MRC2: variants seen among roughly 807,000 people sequenced by gnomAD.
The protein encoded by MRC2 is mannose receptor C-type 2, also known as C-type mannose receptor 2.
MRC2 carries 84 observed loss-of-function variants against 206.2 expected under a neutral mutation model. The ratio of observed to expected loss-of-function variants is 0.41; its 90% CI spans 0.34 to 0.49. The LOEUF (loss-of-function observed/expected upper bound fraction) is 0.49, where lower values mean the gene tolerates loss of function less well. MRC2 is among the 20% of genes least tolerant of loss of function. The probability of loss-of-function intolerance (pLI) is 0.31; values close to 1 mark genes in which losing one functional copy is unlikely to be tolerated. For synonymous variants in MRC2, 798 were observed against 800.0 expected (o/e 1.00, Z 0.04); for missense variants, 1,676 against 2,001.5 (o/e 0.84, Z 3.10).
intron 12 of MRC2, 134 bp downstream of exon 12, chr17:62,677,620 C>A: frequency 1.3e-6 from 1 of 754,508 alleles, no homozygotes; most frequent in East Asian, 2.7e-5. Context: ...TCTGGTGAGA[C>A]TTGTCCATGG....
intron 1 of MRC2, among the ~76,000 whole-genome samples, chr17:62,640,017 C>CTTTTTT (rs56703312): frequency 7.7e-4 from 57 of 74,350 alleles, no homozygotes; most frequent in African/African-American, 8.3e-4. Context: ...CCATGCCCAG[C>CTTTTTT]TTTTTTTTTT....
At chr17:62,688,713 G>A in intron 22 of MRC2, 49 bp downstream of exon 22, 3 of 1,601,162 alleles carry the variant, frequency 1.9e-6, no homozygotes, top group Middle Eastern at 2.0e-4. Flanking sequence ...CCCTAAGCCT[G>A]TGGGGCTGCC....
In MRC2 at chr17:62,692,019, C is replaced by T; in HGVS notation, c.4193-93C>T. 6.4e-7 allele frequency: 1 copy of T among 1,563,354 alleles called. No homozygotes were observed. The highest frequency in any genetic ancestry group is 8.8e-7 in the Non-Finnish European group (1 of 1,138,898). ...CTAGAGCCTCTTTCTCCCCAGACCT[C>T]CCGGCCCAGGCCTGTGTGCTTTGTA... On this transcript the variant is annotated intron_variant, in intron 28 of 29. Coordinates refer to ENST00000303375, the MANE Select transcript of MRC2 (RefSeq NM_006039.5). This position sits in a 1 kb window ranked among gnomAD's most constrained non-coding sequence, Gnocchi z 4.2.
At chr17:62,688,786 C>G in intron 22 of MRC2, 66 bp from the exon 23 acceptor site, 1 of 1,582,728 alleles carries the variant, frequency 6.3e-7, no homozygotes, top group Non-Finnish European at 8.6e-7. Context: ...CACATTGCAG[C>G]CTTCTGGGGA....
At chr17:62,640,058 CG>C (rs1555675267) in intron 1 of MRC2, among the ~76,000 whole-genome samples, 31 of 127,948 alleles carry the variant, frequency 2.4e-4, no homozygotes, top group East Asian at 1.3e-3. Context: ...TTAGTAGAGA[CG>C]GGGGTTTCTT....
At chr17:62,648,239 A>G (rs1028282895) in intron 1 of MRC2, among the ~76,000 whole-genome samples, 30 of 152,224 alleles carry the variant, frequency 2.0e-4, no homozygotes, top group African/African-American at 7.0e-4. Context: ...CCCCATCTCT[A>G]CTAAAAATAC....
intron 28 of MRC2, among the ~76,000 whole-genome samples, chr17:62,691,725 C>T (rs532214331): frequency 1.1e-3 from 167 of 148,804 alleles, no homozygotes; most frequent in Non-Finnish European, 1.4e-3. Flanking sequence ...GAGCCGAGAT[C>T]GCACCACTGC....
rs745688580 is a variant in MRC2, at chr17:62,680,278, C to A, written c.2407C>A (p.Gln803Lys). 1.2e-6 allele frequency: 2 copies of A among 1,614,074 alleles called. No individual in the cohort carries two copies. Among genetic ancestry groups the A allele is most frequent in the Non-Finnish European group, 1.7e-6 (2 of 1,179,996 alleles). The part of the protein sequence containing the change: ...LQWVAMQCDT[Q>K]LDWICKIPRG... Reference sequence around the variant, plus strand: ...GTGGGTGGCCATGCAGTGCGACACACAGCTGGACTGGATCTGCAAGATCCC... The same window carrying A: ...GTGGGTGGCCATGCAGTGCGACACAAAGCTGGACTGGATCTGCAAGATCCC... Residue 803 changes from glutamine to lysine, a missense_variant, in exon 15 of 30, where the codon CAG (glutamine) becomes AAG (lysine). Coordinates refer to ENST00000303375, the MANE Select transcript of MRC2 (RefSeq NM_006039.5). The surrounding 1 kb of genome is among the most constrained non-coding windows in gnomAD (Gnocchi z 4.8).
At chr17:62,639,465 A>G (rs1460509857) in intron 1 of MRC2, among the ~76,000 whole-genome samples, 1 of 152,226 alleles carries the variant, frequency 6.6e-6, no homozygotes, top group Non-Finnish European at 1.5e-5. Context: ...GAAGAAGCCA[A>G]TATATCTGAC....
chr17:62,640,381 G>A (rs2088386282), intron 1 of MRC2, among the ~76,000 whole-genome samples: 1 of 152,074 alleles, frequency 6.6e-6, no homozygotes, highest in Non-Finnish European at 1.5e-5. Flanking sequence ...ATGGTATTTG[G>A]TGCTGCCAAC....
At chr17:62,649,831 A>G (rs1466815150) in intron 1 of MRC2, among the ~76,000 whole-genome samples, 3 of 151,214 alleles carry the variant, frequency 2.0e-5, no homozygotes, top group African/African-American at 7.3e-5. Context: ...CCACCGATAC[A>G]TACATTTTTT....
Position 62,680,641 on chromosome 17 carries a change from TG to T in MRC2, c.2474-155del. On this transcript the variant is annotated intron_variant, in intron 16 of 29. Coordinates refer to ENST00000303375, the MANE Select transcript of MRC2 (RefSeq NM_006039.5). This position sits in a 1 kb window ranked among gnomAD's most constrained non-coding sequence, Gnocchi z 4.8. ...TTCCGTGTGGGAGGCGAGGCAAGCC[TG>T]GGGCCTGGGGCCTGGCACGGTGCCT... 2 of 1,235,758 alleles carry T rather than the reference TG, an allele frequency of 1.6e-6. No homozygotes were observed. The highest frequency in any genetic ancestry group is 2.2e-6 in the Non-Finnish European group (2 of 916,396). The allele number at this position is 1,235,758 out of a possible 1,614,324, so 76.5% of individuals were successfully genotyped here.
At chr17:62,683,510 C>CT (rs754026119) in intron 20 of MRC2, among the ~76,000 whole-genome samples, 2,231 of 123,916 alleles carry the variant, frequency 0.018, 45 homozygotes, top group Admixed American at 0.043. Flanking sequence ...AAAAAAACAC[C>CT]TTTTTTTTTT....
chr17:62,629,569 C>T (rs2084199785), intron 1 of MRC2, among the ~76,000 whole-genome samples: 1 of 152,204 alleles, frequency 6.6e-6, no homozygotes, highest in African/African-American at 2.4e-5. Context: ...TGAGGTCTTC[C>T]AGCAGCAGCT....
rs1568060032 is a variant in MRC2 at position 62,664,397 on chromosome 17, G to C, written c.119-151G>C. On this transcript the variant is annotated intron_variant, in intron 1 of 29. Coordinates refer to ENST00000303375, the MANE Select transcript of MRC2 (RefSeq NM_006039.5). This position sits in a 1 kb window ranked among gnomAD's most constrained non-coding sequence, Gnocchi z 4.7. ...ACTGCCACTCATTTCCACCTCAGAGGGTTGGTAGTGAGTACCGAGTGATTT... is the reference window on the plus strand; with the variant it reads ...ACTGCCACTCATTTCCACCTCAGAGCGTTGGTAGTGAGTACCGAGTGATTT... 2 of 880,934 alleles carry C rather than the reference G, an allele frequency of 2.3e-6. No homozygotes were observed. Among genetic ancestry groups the C allele is most frequent in the South Asian group, 1.6e-5 (1 of 60,764 alleles). The allele number at this position is 880,934 out of a possible 1,614,324, so 54.6% of individuals were successfully genotyped here.
intron 1 of MRC2, among the ~76,000 whole-genome samples, chr17:62,658,278 G>T (rs1190337774): frequency 6.6e-6 from 1 of 152,174 alleles, no homozygotes; most frequent in African/African-American, 2.4e-5. Context: ...TACAAATCCT[G>T]CGAGGGGAGG....
In MRC2 at chr17:62,690,070, C is replaced by T. The variant is rs1315173255; in HGVS notation, c.3742+8C>T. On this transcript the variant is annotated splice_region_variant and intron_variant, in intron 25 of 29. Coordinates refer to ENST00000303375, the MANE Select transcript of MRC2 (RefSeq NM_006039.5). ...TGTGTGGGGTTAGCAGTGGTGAGTG[C>T]CCACCTGCCAGGGCGGGGGCATGGG... 1 of 1,588,914 alleles carries T rather than the reference C, an allele frequency of 6.3e-7. No homozygotes were observed. Among genetic ancestry groups the T allele is most frequent in the Non-Finnish European group, 8.6e-7 (1 of 1,165,904 alleles).
intron 1 of MRC2, among the ~76,000 whole-genome samples, chr17:62,640,178 T>G (rs1352284652): frequency 6.6e-6 from 1 of 151,986 alleles, no homozygotes; most frequent in Non-Finnish European, 1.5e-5. Context: ...GCCAGCTGAT[T>G]CTTACAAGGA....
intron 1 of MRC2, among the ~76,000 whole-genome samples, chr17:62,654,791 T>C (rs995816190): frequency 6.6e-6 from 1 of 152,188 alleles, no homozygotes; most frequent in African/African-American, 2.4e-5. Context: ...ACAGGCATGT[T>C]TCCCAGGTGA....
Sources: gnomAD v4.1 joint callset for allele counts (sites outside exome capture counted in the v4.1 genomes callset) on GRCh38, gnomAD v4.1.1 for gene constraint, Gnocchi (gnomAD v3.1) non-coding constraint, MANE v1.5 for transcripts, NCBI Gene and HGNC (gene_info 2026-07-23, HGNC 2026-07-21) for gene names.